SDK1: variants seen among roughly 807,000 people sequenced by gnomAD.
The protein encoded by SDK1 is sidekick cell adhesion molecule 1, also known as protein sidekick-1.
In SDK1, 157 loss-of-function variants were observed where a neutral mutation model predicts 245.5. The observed-to-expected ratio is 0.64, with a 90% confidence interval of 0.56 to 0.73. The LOEUF (loss-of-function observed/expected upper bound fraction) is 0.73, where lower values mean the gene tolerates loss of function less well. Ranked by LOEUF, SDK1 falls within the 30% of genes least tolerant of loss-of-function variation. The pLI, the probability that SDK1 is intolerant of heterozygous loss-of-function variation, is 0.00. For missense variants in SDK1, 3,583 were observed against 3,002.3 expected (o/e 1.19, Z -4.52); for synonymous variants, 1,647 against 1,278.5 (o/e 1.29, Z -6.15).
intron 1 of SDK1, among the ~76,000 whole-genome samples, chr7:3,447,159 A>T (rs1467306486): frequency 2.6e-5 from 4 of 152,190 alleles, no homozygotes; most frequent in African/African-American, 9.6e-5. Context: ...TATTGTTTAT[A>T]TATGTCTTAG....
At chr7:3,538,054 C>T (rs1395883021) in intron 1 of SDK1, among the ~76,000 whole-genome samples, 2 of 152,112 alleles carry the variant, frequency 1.3e-5, no homozygotes, top group Non-Finnish European at 2.9e-5. Flanking sequence ...CTTATTTTGG[C>T]TCTCCTGGGT....
At chr7:4,237,287 G>T (rs1181664539) in intron 41 of SDK1, among the ~76,000 whole-genome samples, 1 of 151,934 alleles carries the variant, frequency 6.6e-6, no homozygotes, top group East Asian at 1.9e-4. Flanking sequence ...TTAAACAGAT[G>T]AAATTAAGAG....
intron 1 of SDK1, among the ~76,000 whole-genome samples, chr7:3,453,494 A>T (rs1780582613): frequency 1.3e-5 from 2 of 152,200 alleles, no homozygotes; most frequent in Admixed American, 1.3e-4. Flanking sequence ...TGCCAGTACA[A>T]ATATCCATAT....
chr7:3,325,115 T>G lies in SDK1; in HGVS notation c.298+23231T>G, dbSNP rs76511207. ...TCTTAAAGTTCTCTACCAAACCACT[T>G]TTTTTTTTTGGTGATGCTTCAGTCT... On this transcript the variant is annotated intron_variant, in intron 1 of 44. Coordinates refer to ENST00000404826, the MANE Select transcript of SDK1 (RefSeq NM_152744.4). Among the ~76,000 whole-genome samples the G allele has an allele frequency of 9.7e-3, 1,454 of 149,234 alleles. 25 individuals are homozygous for G. The highest frequency in any genetic ancestry group is 0.033 in the African/African-American group (1,333 of 40,980).
chr7:3,506,232 A>G (rs907538692), intron 1 of SDK1, among the ~76,000 whole-genome samples: 2 of 151,980 alleles, frequency 1.3e-5, no homozygotes, highest in African/African-American at 4.8e-5. Context: ...TTTGAATGAC[A>G]TTTTCATTGT....
In SDK1 at chr7:3,783,921, T is replaced by G. The variant is rs538611432; in HGVS notation, c.714-37529T>G. ...GCAATCATGAGCAAAAGAATAAAGC[T>G]GAAGGCATCACACTACCTGGTTTCA... On this transcript the variant is annotated intron_variant, in intron 4 of 44. Coordinates refer to ENST00000404826, the MANE Select transcript of SDK1 (RefSeq NM_152744.4). Among the ~76,000 whole-genome samples the G allele has an allele frequency of 3.9e-4, 59 of 152,286 alleles. 1 individual carries two copies. The South Asian group carries it at 0.012, about 30-fold the overall frequency.
intron 40 of SDK1, among the ~76,000 whole-genome samples, chr7:4,224,252 C>T (rs193095877): frequency 6.6e-6 from 1 of 152,220 alleles, no homozygotes; most frequent in African/African-American, 2.4e-5. Context: ...CACAGTTCTG[C>T]AGGCTGTACA....
At chr7:3,402,161 A>G (rs1379169356) in intron 1 of SDK1, among the ~76,000 whole-genome samples, 6 of 152,210 alleles carry the variant, frequency 3.9e-5, no homozygotes, top group Non-Finnish European at 8.8e-5. Flanking sequence ...AGAACTTGAG[A>G]AAGCTTCATG....
At chr7:3,360,732 G>C (rs1393506335) in intron 1 of SDK1, among the ~76,000 whole-genome samples, 1 of 152,192 alleles carries the variant, frequency 6.6e-6, no homozygotes, top group Non-Finnish European at 1.5e-5. Flanking sequence ...CACTGGGTGA[G>C]AAGCTGTTTA....
intron 4 of SDK1, among the ~76,000 whole-genome samples, chr7:3,671,050 C>T (rs866076268): frequency 6.6e-6 from 1 of 152,142 alleles, no homozygotes; most frequent in African/African-American, 2.4e-5. Flanking sequence ...TTTGTTTCTC[C>T]TATTGGGCTC....
chr7:3,830,668 A>T (rs1468620263), intron 5 of SDK1, among the ~76,000 whole-genome samples: 2 of 152,024 alleles, frequency 1.3e-5, no homozygotes, highest in Admixed American at 6.6e-5. Flanking sequence ...GCTAATTTTT[A>T]AAAAATTTTT....
intron 1 of SDK1, among the ~76,000 whole-genome samples, chr7:3,610,354 T>C (rs770798074): frequency 5.3e-5 from 8 of 152,234 alleles, no homozygotes; most frequent in Non-Finnish European, 1.0e-4. Flanking sequence ...AAAGAATCTT[T>C]GAAAGAAATA....
chr7:4,175,088 G>A (rs948383567), intron 33 of SDK1, among the ~76,000 whole-genome samples: 9 of 147,686 alleles, frequency 6.1e-5, no homozygotes, highest in Non-Finnish European at 8.8e-5. Context: ...TACCTCACGC[G>A]CCAATGCCAG....
At position 3,301,630 on chromosome 7, in the gene SDK1, G is replaced by A; in HGVS notation, c.44G>A (p.Gly15Asp). The A allele has an allele frequency of 1.0e-6, 1 of 977,738 alleles. No individual in the cohort carries two copies. Among genetic ancestry groups the A allele is most frequent in the Non-Finnish European group, 1.2e-6 (1 of 826,782 alleles). 60.6% of individuals were successfully genotyped at this position (977,738 alleles called of 1,614,324 possible). A position where few individuals can be genotyped will look rare whatever the true frequency, so the allele number is the denominator to read the frequency against. ...CCCTCGGCGGCCGGTGGCGGCGGCG[G>A]CGGCGCGGAGCCCCCTGAGCGCGCG... ...ARPSAAGGGG[G>D]GAEPPERAGP... Residue 15 changes from glycine to aspartate, a missense_variant, in exon 1 of 45, where the codon GGC becomes GAC. By Grantham distance (94) the Gly-to-Asp change is moderately conservative. Coordinates refer to ENST00000404826, the MANE Select transcript of SDK1 (RefSeq NM_152744.4).
intron 4 of SDK1, among the ~76,000 whole-genome samples, chr7:3,695,286 A>G (rs1039259765): frequency 1.3e-5 from 2 of 152,218 alleles, no homozygotes; most frequent in Non-Finnish European, 2.9e-5. Flanking sequence ...TTCTGTCATT[A>G]TAATAGGATT....
chr7:3,551,800 C>G (rs560358937), intron 1 of SDK1, among the ~76,000 whole-genome samples: 1 of 151,864 alleles, frequency 6.6e-6, no homozygotes, highest in Non-Finnish European at 1.5e-5. Context: ...CCTGGCCTCC[C>G]GAAGAGTTGA....
At chr7:3,865,919 C>T (rs1460339486) in intron 5 of SDK1, among the ~76,000 whole-genome samples, 1 of 152,040 alleles carries the variant, frequency 6.6e-6, no homozygotes, top group Non-Finnish European at 1.5e-5. Flanking sequence ...CCCTCGTAGT[C>T]CTACATAAAC....
intron 1 of SDK1, among the ~76,000 whole-genome samples, chr7:3,303,341 A>G (rs1779331921): frequency 6.6e-6 from 1 of 152,144 alleles, no homozygotes; most frequent in South Asian, 2.1e-4. Context: ...TTCTTTTTTT[A>G]AACAGTGACT....
chr7:3,414,417 A>G lies in SDK1; in HGVS notation c.298+112533A>G, dbSNP rs565273502. Among the ~76,000 whole-genome samples the G allele has an allele frequency of 3.3e-5, 5 of 152,228 alleles. No individual in the cohort carries two copies. In the East Asian group the frequency reaches 7.7e-4, roughly 24 times the overall value. Reference sequence around the variant, plus strand: ...GCCTGGAGTCTAAAGTGGGGAGCAGAGCATCCAGCGAAGGTGGGTAGTGTC... The same window carrying G: ...GCCTGGAGTCTAAAGTGGGGAGCAGGGCATCCAGCGAAGGTGGGTAGTGTC... On this transcript the variant is annotated intron_variant, in intron 1 of 44. Coordinates refer to ENST00000404826, the MANE Select transcript of SDK1 (RefSeq NM_152744.4).
Sources: gnomAD v4.1 joint callset for allele counts (sites outside exome capture counted in the v4.1 genomes callset) on GRCh38, gnomAD v4.1.1 for gene constraint, MANE v1.5 for transcripts, NCBI Gene and HGNC (gene_info 2026-07-23, HGNC 2026-07-21) for gene names.